Variants in HIPK2 observed in about 807,000 individuals in gnomAD.
HIPK2 encodes homeodomain interacting protein kinase 2, also known as homeodomain-interacting protein kinase 2.
A neutral mutation model predicts 113.7 loss-of-function variants in HIPK2; 27 were observed. The observed-to-expected ratio is 0.24, with a 90% CI of 0.17 to 0.33. The LOEUF (loss-of-function observed/expected upper bound fraction) is 0.33, where lower values mean the gene tolerates loss of function less well. HIPK2 is among the 10% of genes least tolerant of loss of function. The probability of loss-of-function intolerance (pLI) is 1.00; values close to 1 mark genes in which losing one functional copy is unlikely to be tolerated. For synonymous variants in HIPK2, 631 were observed against 642.2 expected, an observed-to-expected ratio of 0.98 and a Z score of 0.26; for missense variants, 1,257 against 1,588.0, an observed-to-expected ratio of 0.79 and a Z score of 3.54.
chr7:139,694,509 C>A (rs28972227), intron 2 of HIPK2, among the ~76,000 whole-genome samples: 1 of 152,286 alleles, frequency 6.6e-6, no homozygotes, highest in East Asian at 1.9e-4. Flanking sequence ...CAGCCCAGAT[C>A]CACCTCTGGT....
chr7:139,592,830 T>G (rs1262022676), intron 12 of HIPK2, among the ~76,000 whole-genome samples: 1 of 152,232 alleles, frequency 6.6e-6, no homozygotes, highest in Non-Finnish European at 1.5e-5. Context: ...CAGAACAATA[T>G]CTGTTTGTCT....
Position 139,631,936 on chromosome 7 carries a change from G to C in HIPK2, c.1104-211C>G, listed in dbSNP as rs1345696141. 1.3e-5 allele frequency among the ~76,000 whole-genome samples: 2 copies of C among 152,180 alleles called. No individual in the cohort carries two copies. Among genetic ancestry groups the C allele is most frequent in the East Asian group, 3.9e-4 (2 of 5,192 alleles). ...GGAGGGCCCACTTGGAAGGTTGGCTGAGATGAAGGATAAGTCTGTGTGTTT... is the reference window on the plus strand; with the variant it reads ...GGAGGGCCCACTTGGAAGGTTGGCTCAGATGAAGGATAAGTCTGTGTGTTT... On this transcript the variant is annotated intron_variant, in intron 2 of 14. Coordinates refer to ENST00000406875, the MANE Select transcript of HIPK2 (RefSeq NM_022740.5). This position sits in a 1 kb window ranked among gnomAD's most constrained non-coding sequence, Gnocchi z 4.9.
intron 1 of HIPK2, among the ~76,000 whole-genome samples, chr7:139,736,827 T>C (rs778385957): frequency 6.6e-6 from 1 of 152,230 alleles, no homozygotes. Context: ...TCCGAATGTA[T>C]GTTTTCCTTC....
intron 1 of HIPK2, among the ~76,000 whole-genome samples, chr7:139,756,812 C>T (rs76304235): frequency 0.11 from 17,228 of 152,240 alleles, 1,174 homozygotes; most frequent in Non-Finnish European, 0.16. Flanking sequence ...CCTGCTCTCA[C>T]GCATGCATCA....
chr7:139,624,929 A>C (rs1006785406), intron 6 of HIPK2, among the ~76,000 whole-genome samples: 4 of 152,196 alleles, frequency 2.6e-5, no homozygotes, highest in African/African-American at 9.6e-5. Context: ...TTCTCTGGTC[A>C]GTTTGCTCTG....
chr7:139,681,698 A>G (rs1802705837), intron 2 of HIPK2, among the ~76,000 whole-genome samples: 1 of 152,154 alleles, frequency 6.6e-6, no homozygotes, highest in South Asian at 2.1e-4. Context: ...TCCTCACATG[A>G]AAGGCCCTTG....
At position 139,604,229 on chromosome 7, in the gene HIPK2, G is replaced by GAA; in HGVS notation, c.2113-8_2113-7dup. 6.2e-7 allele frequency: 1 copy of GAA among 1,607,184 alleles called. No homozygotes were observed. ...GTCCCACTTGGCCAAGCCTGCTGTA[G>GAA]AACACAGGACATGTGCAATGACCAT... On this transcript the variant is annotated splice_polypyrimidine_tract_variant and splice_region_variant and intron_variant, in intron 9 of 14. Transcript: ENST00000406875.
intron 2 of HIPK2, among the ~76,000 whole-genome samples, chr7:139,705,783 ATAGT>A (rs1794875688): frequency 6.6e-6 from 1 of 151,744 alleles, no homozygotes; most frequent in Non-Finnish European, 1.5e-5. Context: ...CTGCCAGATG[ATAGT>A]AATGATAATA....
At chr7:139,734,931 G>T (rs1286380568) in intron 1 of HIPK2, among the ~76,000 whole-genome samples, 1 of 152,196 alleles carries the variant, frequency 6.6e-6, no homozygotes, top group Non-Finnish European at 1.5e-5. Flanking sequence ...GATTTGACAA[G>T]CCGTATGATT....
intron 2 of HIPK2, among the ~76,000 whole-genome samples, chr7:139,677,905 C>T (rs1010493550): frequency 6.6e-6 from 1 of 152,256 alleles, no homozygotes; most frequent in East Asian, 1.9e-4. Flanking sequence ...TTTTAATGAT[C>T]GCCATTCTAA....
At chr7:139,698,133 G>C (rs972840131) in intron 2 of HIPK2, among the ~76,000 whole-genome samples, 32 of 152,122 alleles carry the variant, frequency 2.1e-4, no homozygotes, top group Non-Finnish European at 4.3e-4. Context: ...CCAAAGCGCT[G>C]GAGTTACAGG....
At chr7:139,675,114 C>T (rs548461504) in intron 2 of HIPK2, among the ~76,000 whole-genome samples, 1 of 152,174 alleles carries the variant, frequency 6.6e-6, no homozygotes, top group African/African-American at 2.4e-5. Flanking sequence ...GTGCATCAGA[C>T]CAACAGAAGC....
chr7:139,574,375 TAAAAA>T (rs879466569), intron 14 of HIPK2, among the ~76,000 whole-genome samples: 1 of 146,100 alleles, frequency 6.8e-6, no homozygotes, highest in East Asian at 2.0e-4. Context: ...GACCCTGTCT[TAAAAA>T]AAAAAAGTTG....
chr7:139,611,194 G>A lies in HIPK2; in HGVS notation c.2112+2008C>T, dbSNP rs1050164995. Among the ~76,000 whole-genome samples the A allele has an allele frequency of 3.2e-4, 48 of 152,144 alleles. 2 individuals carry two copies. The highest frequency in any genetic ancestry group is 8.5e-4 in the Admixed American group (13 of 15,270). On this transcript the variant is annotated intron_variant, in intron 9 of 14. Transcript: ENST00000406875. ...CTCGTGTGGGTAACAACAAGAAGAA[G>A]ATATTTTATGAGCCTGGTGTAACCT...
At chr7:139,734,310 C>T (rs933660820) in intron 1 of HIPK2, among the ~76,000 whole-genome samples, 1 of 152,196 alleles carries the variant, frequency 6.6e-6, no homozygotes, top group African/African-American at 2.4e-5. Flanking sequence ...ACTAATCCCC[C>T]ACCTAATAAC....
chr7:139,633,245 C>G (rs1377116889), intron 2 of HIPK2, among the ~76,000 whole-genome samples: 1 of 151,982 alleles, frequency 6.6e-6, no homozygotes, highest in African/African-American at 2.4e-5. Context: ...CTTTCTGCAG[C>G]CTGGAGTGGG....
chr7:139,699,601 C>A (rs1794652389), intron 2 of HIPK2, among the ~76,000 whole-genome samples: 1 of 152,324 alleles, frequency 6.6e-6, no homozygotes, highest in Admixed American at 6.5e-5. Context: ...GCTGGGCCTG[C>A]AGCTGGGGAG....
chr7:139,569,625 A>G lies in HIPK2; in HGVS notation c.*3302T>C, dbSNP rs947933766. ...CCTTGATGGTGACCATGTTGTCAGA[A>G]GCCCAATCAAGGCTTTGATTCTTCT... On this transcript the variant is annotated 3_prime_UTR_variant, in exon 15 of 15. Transcript: ENST00000406875. 1.3e-5 allele frequency: 2 copies of G among 152,180 alleles called. No homozygotes were observed. Among genetic ancestry groups the G allele is most frequent in the Admixed American group, 1.3e-4 (2 of 15,278 alleles). 9.4% of individuals were successfully genotyped at this position (152,180 alleles called of 1,614,324 possible).
At chr7:139,770,499 A>T (rs1796630922) in intron 1 of HIPK2, among the ~76,000 whole-genome samples, 1 of 152,248 alleles carries the variant, frequency 6.6e-6, no homozygotes, top group African/African-American at 2.4e-5. Flanking sequence ...GGGAAATATT[A>T]GTGTGAAGGA....
Sources: allele counts gnomAD v4.1 joint callset (sites outside exome capture counted in the v4.1 genomes callset), GRCh38; gene constraint gnomAD v4.1.1; non-coding constraint Gnocchi (gnomAD v3.1); transcripts MANE v1.5; gene names NCBI Gene and HGNC (gene_info 2026-07-23, HGNC 2026-07-21).